Variants in ANKFN1 observed in about 807,000 individuals in gnomAD.
ANKFN1 encodes the protein ankyrin repeat and fibronectin type III domain containing 1.
A neutral mutation model predicts 108.7 loss-of-function variants in ANKFN1; 74 were observed. The observed-to-expected ratio is 0.68, with a 90% CI of 0.56 to 0.83. The LOEUF (loss-of-function observed/expected upper bound fraction) is 0.83. Among genes scored for constraint, ANKFN1 ranks in the 40% least tolerant of loss-of-function variants. The pLI, the probability that ANKFN1 is intolerant of heterozygous loss-of-function variation, is 0.00. For synonymous variants in ANKFN1, 547 were observed against 516.2 expected (o/e 1.06, Z -0.81); for missense variants, 1,505 against 1,382.3 (o/e 1.09, Z -1.41).
intron 5 of ANKFN1, among the ~76,000 whole-genome samples, chr17:56,353,068 G>A (rs750363253): frequency 6.6e-6 from 1 of 152,054 alleles, no homozygotes; most frequent in Non-Finnish European, 1.5e-5. Context: ...ACTGTATTCT[G>A]TAGAACACTA....
At chr17:56,152,427 T>C (rs1908713975), upstream of ANKFN1, among the ~76,000 whole-genome samples, 2 of 152,020 alleles carry the variant, frequency 1.3e-5, no homozygotes, top group African/African-American at 4.8e-5. Flanking sequence ...TTTTTCCTAT[T>C]GTATAGTAGC....
At chr17:56,154,964 A>C (rs1908963230) in intron 1 of ANKFN1, among the ~76,000 whole-genome samples, 1 of 152,158 alleles carries the variant, frequency 6.6e-6, no homozygotes. Flanking sequence ...CAGTTTCTTC[A>C]TCCATGAAGT....
intron 4 of ANKFN1, among the ~76,000 whole-genome samples, chr17:56,144,231 C>T (rs1353427677): frequency 7.0e-6 from 1 of 143,780 alleles, no homozygotes; most frequent in Non-Finnish European, 1.5e-5. Context: ...CACAGAAATT[C>T]TCTCTACAGC....
At chr17:56,428,062 A>G (rs1356876842) in intron 8 of ANKFN1, among the ~76,000 whole-genome samples, 1 of 151,894 alleles carries the variant, frequency 6.6e-6, no homozygotes, top group African/African-American at 2.4e-5. Context: ...ATGAAACCCC[A>G]TCTCTACTAA....
At chr17:56,068,628 A>T (rs1905087748) in intron 4 of ANKFN1, among the ~76,000 whole-genome samples, 1 of 152,194 alleles carries the variant, frequency 6.6e-6, no homozygotes, top group South Asian at 2.1e-4. Flanking sequence ...GCACAATTCC[A>T]CAAACTCTTT....
At chr17:56,367,747 C>T (rs1002881627) in intron 6 of ANKFN1, among the ~76,000 whole-genome samples, 1 of 152,104 alleles carries the variant, frequency 6.6e-6, no homozygotes, top group African/African-American at 2.4e-5. Flanking sequence ...GAAAAGTGTC[C>T]TGTGGGTGGA....
At chr17:56,270,553 T>C (rs2043766234) in intron 3 of ANKFN1, among the ~76,000 whole-genome samples, 1 of 152,202 alleles carries the variant, frequency 6.6e-6, no homozygotes, top group African/African-American at 2.4e-5. Context: ...GCGTCCACTC[T>C]TGACTTCCTT....
At chr17:56,295,541 A>G (rs150355729) in intron 3 of ANKFN1, among the ~76,000 whole-genome samples, 2 of 152,294 alleles carry the variant, frequency 1.3e-5, no homozygotes, top group African/African-American at 4.8e-5. Context: ...ACACTGATAC[A>G]TGAAAACCAC....
At chr17:56,302,770 T>G (rs2044711273) in intron 3 of ANKFN1, among the ~76,000 whole-genome samples, 2 of 152,166 alleles carry the variant, frequency 1.3e-5, no homozygotes, top group African/African-American at 4.8e-5. Flanking sequence ...ACATATAAAT[T>G]TTTTACACAA....
chr17:56,316,988 C>T (rs778950867), intron 3 of ANKFN1, among the ~76,000 whole-genome samples: 7 of 152,274 alleles, frequency 4.6e-5, no homozygotes, highest in Admixed American at 1.3e-4. Context: ...AAATAACACA[C>T]GTTTAAAGCA....
intron 3 of ANKFN1, among the ~76,000 whole-genome samples, chr17:56,314,531 T>C (rs2045142050): frequency 6.6e-6 from 1 of 152,346 alleles, no homozygotes; most frequent in East Asian, 1.9e-4. Flanking sequence ...TATGTGCTTA[T>C]TGACCATTTG....
intron 3 of ANKFN1, among the ~76,000 whole-genome samples, chr17:56,297,342 T>A (rs1221663790): frequency 6.6e-6 from 1 of 152,172 alleles, no homozygotes; most frequent in Non-Finnish European, 1.5e-5. Context: ...GCTGGCGGTT[T>A]AACTGTTTCT....
chr17:56,335,799 T>G (rs1211305131), intron 4 of ANKFN1, among the ~76,000 whole-genome samples: 1 of 151,562 alleles, frequency 6.6e-6, no homozygotes, highest in Non-Finnish European at 1.5e-5. Context: ...GTGCCAGTTT[T>G]CAAAGGGAGG....
chr17:56,358,294 C>A (rs370318686), intron 6 of ANKFN1, among the ~76,000 whole-genome samples: 7 of 152,190 alleles, frequency 4.6e-5, no homozygotes, highest in African/African-American at 1.7e-4. Context: ...TTCTCCATTT[C>A]TTAACAGGAA....
At chr17:56,212,764 G>T (rs1210396035) in intron 2 of ANKFN1, among the ~76,000 whole-genome samples, 85 bp downstream of exon 2, 1 of 152,190 alleles carries the variant, frequency 6.6e-6, no homozygotes, top group Non-Finnish European at 1.5e-5. Context: ...TGAGCTAGTA[G>T]TTCCAGTGCC....
In ANKFN1 at chr17:56,192,173, G is replaced by T. The variant is rs1913002186; in HGVS notation, c.-70-20425G>T. ...GGAAAGGATTCCCTATTTAATAAAT[G>T]GTGCTGGGAAAACTGGCTAGCCATA... On this transcript the variant is annotated intron_variant, in intron 1 of 20. Coordinates refer to ENST00000682825, the MANE Select transcript of ANKFN1 (RefSeq NM_001370326.1). 4.6e-5 allele frequency among the ~76,000 whole-genome samples: 7 copies of T among 150,966 alleles called. 1 individual carries two copies. In the South Asian group the frequency reaches 1.5e-3, roughly 32 times the overall value.
At chr17:56,427,668 C>G (rs1043595540) in intron 8 of ANKFN1, among the ~76,000 whole-genome samples, 2 of 152,062 alleles carry the variant, frequency 1.3e-5, no homozygotes, top group Non-Finnish European at 2.9e-5. Flanking sequence ...GTTCAGTCAG[C>G]GAAAGTCCAA....
In ANKFN1 at chr17:56,363,175, G is replaced by A. The variant is rs1000874130; in HGVS notation, c.601+9129G>A. 6.6e-5 allele frequency among the ~76,000 whole-genome samples: 10 copies of A among 152,082 alleles called. 1 individual carries two copies. The highest frequency in any genetic ancestry group is 1.2e-4 in the Non-Finnish European group (8 of 68,022). ...GGAGGCACAGGTTGCAATGGGCCGA[G>A]ATCGCACCACAGCACTCCAGCCTGG... is the stretch of plus-strand genomic sequence containing the variant. On this transcript the variant is annotated intron_variant, in intron 6 of 20. Coordinates refer to ENST00000682825, the MANE Select transcript of ANKFN1 (RefSeq NM_001370326.1).
intron 3 of ANKFN1, among the ~76,000 whole-genome samples, chr17:56,248,783 C>T (rs2043172083): frequency 6.6e-6 from 1 of 152,090 alleles, no homozygotes; most frequent in African/African-American, 2.4e-5. Flanking sequence ...GTCATGGTTT[C>T]CCCAGAAGCA....
Sources: allele counts gnomAD v4.1 joint callset (sites outside exome capture counted in the v4.1 genomes callset), GRCh38; gene constraint gnomAD v4.1.1; transcripts MANE v1.5; gene names NCBI Gene and HGNC (gene_info 2026-07-23, HGNC 2026-07-21).